FAAP20: variants seen among roughly 807,000 people sequenced by gnomAD.
FAAP20 encodes Fanconi anemia core complex-associated protein 20.
In FAAP20, 12 loss-of-function variants were observed where a neutral mutation model predicts 16.2. The ratio of observed to expected loss-of-function variants is 0.74; its 90% CI spans 0.48 to 1.20. FAAP20 has a LOEUF of 1.20. Ranked by LOEUF, FAAP20 falls within the 50% of genes most tolerant of loss-of-function variation. The probability of loss-of-function intolerance (pLI) is 0.00; values close to 1 mark genes in which losing one functional copy is unlikely to be tolerated. For missense variants in FAAP20, 288 were observed against 245.8 expected, an observed-to-expected ratio of 1.17 and a Z score of -1.15; for synonymous variants, 141 against 110.7, an observed-to-expected ratio of 1.27 and a Z score of -1.72.
At chr1:2,198,022 C>T, upstream of FAAP20, 2 of 1,290,886 alleles carry the variant, frequency 1.5e-6, no homozygotes, top group Non-Finnish European at 2.0e-6. Flanking sequence ...CCTGCCTGTC[C>T]TCAAGTTATC....
intron 3 of FAAP20, among the ~76,000 whole-genome samples, chr1:2,205,120 G>A (rs1202365700): frequency 4.4e-5 from 1 of 22,742 alleles, no homozygotes; most frequent in Non-Finnish European, 8.1e-5. Context: ...CGCCCCCCAG[G>A]CGCCCCACGC....
At chr1:2,204,503 T>C (rs1305089139), upstream of FAAP20, among the ~76,000 whole-genome samples, 1 of 152,192 alleles carries the variant, frequency 6.6e-6, no homozygotes, top group Admixed American at 6.5e-5. Flanking sequence ...GGGCGTGACT[T>C]GGCGATCCCG....
chr1:2,207,979 G>A (rs964597596), downstream of FAAP20, among the ~76,000 whole-genome samples: 12 of 151,656 alleles, frequency 7.9e-5, no homozygotes, highest in Non-Finnish European at 1.2e-4. Context: ...CATGCGTGCA[G>A]GCATGTGAGC....
chr1:2,210,303 G>A (rs1464038290), downstream of FAAP20, among the ~76,000 whole-genome samples: 2 of 152,244 alleles, frequency 1.3e-5, no homozygotes, highest in East Asian at 3.8e-4. Context: ...ATGTCGGCCA[G>A]TGGGACACCT....
At chr1:2,188,529 T>A (rs981143965), downstream of FAAP20, among the ~76,000 whole-genome samples, 53 of 152,162 alleles carry the variant, frequency 3.5e-4, 1 homozygote, top group African/African-American at 1.3e-3. Context: ...CCCCAGGGTC[T>A]CCATTATGGG....
At chr1:2,211,319 G>A (rs1254606402), downstream of FAAP20, among the ~76,000 whole-genome samples, 1 of 119,914 alleles carries the variant, frequency 8.3e-6, no homozygotes, top group Non-Finnish European at 1.6e-5. Context: ...AACCTCCGCC[G>A]CTCAGGTTCA....
downstream of FAAP20, among the ~76,000 whole-genome samples, chr1:2,185,731 GA>G (rs1406488868): frequency 5.9e-5 from 9 of 152,166 alleles, no homozygotes; most frequent in African/African-American, 2.2e-4. Flanking sequence ...CCAAAAAAGA[GA>G]AAAAACTGAA....
upstream of FAAP20, chr1:2,199,256 G>A (rs557669462): frequency 8.3e-5 from 93 of 1,125,242 alleles, no homozygotes; most frequent in African/African-American, 1.3e-3. The surrounding 1 kb of genome is among the most constrained non-coding windows in gnomAD (Gnocchi z 4.5). Flanking sequence ...AGCAGTATCC[G>A]GTTCACACCC....
At chr1:2,201,840 AC>A (rs569018222), upstream of FAAP20, among the ~76,000 whole-genome samples, 56 of 152,026 alleles carry the variant, frequency 3.7e-4, 2 homozygotes, top group East Asian at 0.01. Flanking sequence ...ACACGGTGAA[AC>A]CCTGTTTCTA....
chr1:2,189,533 G>A (rs370181590), downstream of FAAP20: 115 of 629,890 alleles, frequency 1.8e-4, no homozygotes, highest in African/African-American at 1.9e-3. Flanking sequence ...ACGTCAGAAA[G>A]AAAAGCGGCA....
At chr1:2,209,612 C>T (rs760374986), downstream of FAAP20, among the ~76,000 whole-genome samples, 2 of 152,370 alleles carry the variant, frequency 1.3e-5, no homozygotes, top group East Asian at 1.9e-4. Context: ...AGGGGCCTCC[C>T]GTGGGGCTCA....
chr1:2,190,049 C>T (rs773425514), intron 3 of FAAP20: 1 of 598,882 alleles, frequency 1.7e-6, no homozygotes, highest in South Asian at 1.7e-5. Context: ...ACAAGCCTCT[C>T]TATGGGATTC....
chr1:2,185,195 C>T (rs1016620315), downstream of FAAP20: 14 of 709,050 alleles, frequency 2.0e-5, no homozygotes, highest in African/African-American at 3.5e-5. Flanking sequence ...CACCTGGGCC[C>T]GGGCAGGCCA....
intron 3 of FAAP20, among the ~76,000 whole-genome samples, chr1:2,205,818 C>T (rs1689238325): frequency 6.6e-6 from 1 of 152,368 alleles, no homozygotes; most frequent in Non-Finnish European, 1.5e-5. Flanking sequence ...CCCAGATCGC[C>T]GGCGAAGCGC....
At chr1:2,210,031 G>C (rs1689393812), downstream of FAAP20, among the ~76,000 whole-genome samples, 1 of 152,190 alleles carries the variant, frequency 6.6e-6, no homozygotes, top group Non-Finnish European at 1.5e-5. Context: ...GCAGCCTCAG[G>C]GTGGGGGGTC....
At chr1:2,198,229 G>C (rs570121031), upstream of FAAP20, 2 of 1,203,788 alleles carry the variant, frequency 1.7e-6, no homozygotes, top group African/African-American at 3.1e-5. Flanking sequence ...GTTTACAAAA[G>C]AACGTTTCAG....
At chr1:2,187,231 T>C (rs1687696546), downstream of FAAP20, 1 of 461,596 alleles carries the variant, frequency 2.2e-6, no homozygotes, top group African/African-American at 2.0e-5. Context: ...TTCACATTAT[T>C]ATTTTCATTA....
chr1:2,190,239 G>A (rs1050630866), intron 3 of FAAP20: 5 of 457,924 alleles, frequency 1.1e-5, no homozygotes, highest in Middle Eastern at 3.2e-4. Context: ...CAGAGAATTG[G>A]TGTTTCTGGC....
At chr1:2,207,431 TCTGGGCTGTC>T (rs1689303140), downstream of FAAP20, 1 of 152,288 alleles carries the variant, frequency 6.6e-6, no homozygotes, top group Non-Finnish European at 1.5e-5. Flanking sequence ...CCCCAGGTCA[TCTGGGCTGTC>T]GGAGATGGAG....
Sources: gnomAD v4.1 joint callset for allele counts (sites outside exome capture counted in the v4.1 genomes callset) on GRCh38, gnomAD v4.1.1 for gene constraint, Gnocchi (gnomAD v3.1) non-coding constraint, MANE v1.5 for transcripts, NCBI Gene and HGNC (gene_info 2026-07-23, HGNC 2026-07-21) for gene names.